The following SCAND3 variants were observed in gnomAD, a reference collection of about 807,000 sequenced individuals.
SCAND3 encodes the protein SCAN domain-containing protein 3.
At chr6:28,572,279 A>T in the SCAND3 span, 1 of 1,610,256 alleles carries the variant, frequency 6.2e-7, no homozygotes, top group Admixed American at 1.7e-5. The surrounding 1 kb of genome is among the most constrained non-coding windows in gnomAD (Gnocchi z 4.1). Flanking sequence ...TGGATCCACA[A>T]ATTTCCTATG....
chr6:28,614,023 G>T, the SCAND3 span, among the ~76,000 whole-genome samples: 9 of 151,494 alleles, frequency 5.9e-5, no homozygotes, highest in Non-Finnish European at 1.3e-4. Flanking sequence ...GAGCGCAATG[G>T]CGTGATCTTG....
the SCAND3 span, among the ~76,000 whole-genome samples, chr6:28,611,749 G>A: frequency 6.6e-6 from 1 of 152,302 alleles, no homozygotes; most frequent in East Asian, 1.9e-4. Context: ...TGTTACTTTA[G>A]TATCTACTTT....
At chr6:28,583,782 T>C in the SCAND3 span, among the ~76,000 whole-genome samples, 1 of 152,230 alleles carries the variant, frequency 6.6e-6, no homozygotes, top group Non-Finnish European at 1.5e-5. Context: ...AGGCAGCTTG[T>C]AGCTTGTGGA....
chr6:28,603,061 C>T, the SCAND3 span, among the ~76,000 whole-genome samples: 2 of 144,692 alleles, frequency 1.4e-5, no homozygotes, highest in Non-Finnish European at 3.0e-5. Flanking sequence ...CTCCCGGATT[C>T]AAGCCATTCT....
the SCAND3 span, chr6:28,574,749 T>C: frequency 6.2e-7 from 1 of 1,614,166 alleles, no homozygotes; most frequent in Non-Finnish European, 8.5e-7. Context: ...TCCTCTTCAT[T>C]GTGCTGGTTT....
the SCAND3 span, chr6:28,572,279 A>G: frequency 1.7e-4 from 274 of 1,610,256 alleles, 1 homozygote; most frequent in Middle Eastern, 3.3e-3. The surrounding 1 kb of genome is among the most constrained non-coding windows in gnomAD (Gnocchi z 4.1). Flanking sequence ...TGGATCCACA[A>G]ATTTCCTATG....
At chr6:28,586,656 TC>T in the SCAND3 span, 1 of 1,614,038 alleles carries the variant, frequency 6.2e-7, no homozygotes, top group Non-Finnish European at 8.5e-7. This position sits in a 1 kb window ranked among gnomAD's most constrained non-coding sequence, Gnocchi z 4.4. Context: ...TTTGATAATC[TC>T]CCCTTGTTCT....
At chr6:28,573,477 G>C in the SCAND3 span, 1 of 1,614,014 alleles carries the variant, frequency 6.2e-7, no homozygotes, top group Non-Finnish European at 8.5e-7. Context: ...GCTTTGGTTG[G>C]CTTTTCAATT....
At chr6:28,579,503 G>T in the SCAND3 span, 1 of 1,231,060 alleles carries the variant, frequency 8.1e-7, no homozygotes, top group Non-Finnish European at 1.1e-6. This position sits in a 1 kb window ranked among gnomAD's most constrained non-coding sequence, Gnocchi z 4.5. Context: ...CACTAAAATA[G>T]AATGTAAGAA....
chr6:28,580,351 G>A, the SCAND3 span, among the ~76,000 whole-genome samples: 1 of 152,010 alleles, frequency 6.6e-6, no homozygotes, highest in African/African-American at 2.4e-5. Flanking sequence ...CTACTCAGGA[G>A]GCTGAGGCAG....
At chr6:28,614,771 G>A in the SCAND3 span, among the ~76,000 whole-genome samples, 2 of 150,934 alleles carry the variant, frequency 1.3e-5, no homozygotes, top group Non-Finnish European at 3.0e-5. Context: ...GTCCTGCAAA[G>A]CAGTCTTGAA....
chr6:28,612,689 A>G, the SCAND3 span, among the ~76,000 whole-genome samples: 1 of 152,260 alleles, frequency 6.6e-6, no homozygotes, highest in African/African-American at 2.4e-5. Flanking sequence ...ATTTCTAAAC[A>G]TTTAGAAAGC....
chr6:28,603,088 G>A, the SCAND3 span, among the ~76,000 whole-genome samples: 1 of 146,756 alleles, frequency 6.8e-6, no homozygotes, highest in Non-Finnish European at 1.5e-5. Context: ...TCAGCCTCCC[G>A]AGTAGCTGGG....
chr6:28,599,264 C>G, the SCAND3 span, among the ~76,000 whole-genome samples: 1 of 152,148 alleles, frequency 6.6e-6, no homozygotes, highest in South Asian at 2.1e-4. Flanking sequence ...CAACACAATC[C>G]TAATGAAAAC....
At chr6:28,579,377 T>C in the SCAND3 span, 5,240 of 1,614,040 alleles carry the variant, frequency 3.2e-3, 126 homozygotes, top group African/African-American at 0.059. The surrounding 1 kb of genome is among the most constrained non-coding windows in gnomAD (Gnocchi z 4.5). Context: ...AGAGGGATCA[T>C]TTCTTCCATA....
the SCAND3 span, among the ~76,000 whole-genome samples, chr6:28,610,156 CT>C: frequency 2.0e-5 from 3 of 152,042 alleles, no homozygotes; most frequent in African/African-American, 7.2e-5. Context: ...GCCAGTAAGG[CT>C]TTTTTCCCCC....
At chr6:28,607,133 T>G in the SCAND3 span, among the ~76,000 whole-genome samples, 3 of 152,180 alleles carry the variant, frequency 2.0e-5, no homozygotes, top group Admixed American at 6.5e-5. Flanking sequence ...ATGAAAGAAA[T>G]GCAAAGCAAC....
At chr6:28,615,401 G>A in the SCAND3 span, among the ~76,000 whole-genome samples, 7 of 152,176 alleles carry the variant, frequency 4.6e-5, no homozygotes, top group African/African-American at 1.4e-4. Flanking sequence ...ATCATTTGAG[G>A]TCAGGAGTTC....
At chr6:28,595,792 C>T in the SCAND3 span, among the ~76,000 whole-genome samples, 1 of 152,024 alleles carries the variant, frequency 6.6e-6, no homozygotes, top group Non-Finnish European at 1.5e-5. Context: ...CAGCCATGTA[C>T]AAGCCTTAAG....
Sources: allele counts gnomAD v4.1 joint callset (sites outside exome capture counted in the v4.1 genomes callset), GRCh38; gene constraint gnomAD v4.1.1; non-coding constraint Gnocchi (gnomAD v3.1); transcripts MANE v1.5; gene names NCBI Gene and HGNC (gene_info 2026-07-23, HGNC 2026-07-21).